KIF21A: variants seen among roughly 807,000 people sequenced by gnomAD.
The protein encoded by KIF21A is kinesin family member 21A, also known as kinesin-like protein KIF21A.
Under a neutral mutation model 202.9 loss-of-function variants are expected in KIF21A, and 114 were observed. The observed-to-expected ratio is 0.56, with a 90% confidence interval of 0.48 to 0.66. KIF21A has a LOEUF of 0.66. Among genes scored for constraint, KIF21A ranks in the 30% least tolerant of loss-of-function variants. The pLI, the probability that KIF21A is intolerant of heterozygous loss-of-function variation, is 0.00. For missense variants in KIF21A, 1,677 were observed against 1,994.9 expected, an observed-to-expected ratio of 0.84 and a Z score of 3.04; for synonymous variants, 667 against 670.8, an observed-to-expected ratio of 0.99 and a Z score of 0.09.
chr12:39,419,973 A>G (rs557034326), intron 1 of KIF21A, among the ~76,000 whole-genome samples: 147 of 150,468 alleles, frequency 9.8e-4, no homozygotes, highest in Admixed American at 7.3e-3. Context: ...GAGAGGTGAG[A>G]GTTCTGGGAA....
Position 39,320,019 on chromosome 12 carries a change from G to C in KIF21A, c.3672-6C>G. On this transcript the variant is annotated splice_region_variant and splice_polypyrimidine_tract_variant and intron_variant, in intron 27 of 37. Coordinates refer to ENST00000361418, the MANE Select transcript of KIF21A (RefSeq NM_001173464.2). ...ATAGAGATGACTGCCTGGAACTAAA[G>C]TAAAAGAAGATTCTTTAATTACCTA... The C allele has an allele frequency of 6.6e-7, 1 of 1,520,806 alleles. No homozygotes were observed. Among genetic ancestry groups the C allele is most frequent in the Non-Finnish European group, 9.1e-7 (1 of 1,099,110 alleles). 94.2% of individuals were successfully genotyped at this position (1,520,806 alleles called of 1,614,324 possible). A position where few individuals can be genotyped will look rare whatever the true frequency, so the allele number is the denominator to read the frequency against.
Position 39,330,764 on chromosome 12 carries a change from G to A in KIF21A, c.3301C>T (p.Leu1101=). The A allele has an allele frequency of 6.2e-7, 1 of 1,613,970 alleles. No homozygotes were observed. Among genetic ancestry groups the A allele is most frequent in the South Asian group, 1.1e-5 (1 of 91,080 alleles). The change falls in exon 23 of 38, where the codon CTA becomes TTA. Residue 1101 remains leucine (L), a synonymous_variant. Transcript: ENST00000361418. The part of the protein sequence containing the change: ...AELNPELDAL[L]GHALQDLDSV... ...AAATTACCTTGTAAAGCATGGCCTA[G>A]TAAAGCATCTAGCTCAGGATTTAAT...
chr12:39,402,254 C>T lies in KIF21A; in HGVS notation c.45-31993G>A, dbSNP rs115903805. Among the ~76,000 whole-genome samples, 284 of 152,222 alleles carry T rather than the reference C, an allele frequency of 1.9e-3. 1 individual carries two copies. Among genetic ancestry groups the T allele is most frequent in the Non-Finnish European group, 3.3e-3 (222 of 68,012 alleles). On this transcript the variant is annotated intron_variant, in intron 1 of 37. Coordinates refer to ENST00000361418, the MANE Select transcript of KIF21A (RefSeq NM_001173464.2). ...CAGAATAGTGAAAATCTTTCTGAGCCACCACCACCACAACTTGGGTAGAAC... is the reference window on the plus strand; with the variant it reads ...CAGAATAGTGAAAATCTTTCTGAGCTACCACCACCACAACTTGGGTAGAAC...
chr12:39,325,620 C>G (rs1433704420), intron 26 of KIF21A, among the ~76,000 whole-genome samples: 1 of 151,032 alleles, frequency 6.6e-6, no homozygotes, highest in Admixed American at 6.6e-5. Context: ...GAATTACAGG[C>G]ATGAGCCACC....
intron 11 of KIF21A, 110 bp downstream of exon 11, chr12:39,351,667 A>C: frequency 1.5e-6 from 1 of 673,498 alleles, no homozygotes; most frequent in Non-Finnish European, 2.5e-6. Context: ...ATAGTGATTT[A>C]TTTCATATAC....
chr12:39,332,001 T>A (rs2138114111), intron 21 of KIF21A: 1 of 659,624 alleles, frequency 1.5e-6, no homozygotes, highest in African/African-American at 1.8e-5. Context: ...GATGTAAAGA[T>A]GACCCATGTG....
intron 22 of KIF21A, 42 bp downstream of exon 22, chr12:39,331,648 G>T (rs1946515346): frequency 1.5e-6 from 2 of 1,315,468 alleles, no homozygotes; most frequent in Non-Finnish European, 2.2e-6. Flanking sequence ...CAATGAATTA[G>T]TCAAAACTTA....
intron 1 of KIF21A, among the ~76,000 whole-genome samples, chr12:39,412,961 C>A (rs1953236795): frequency 6.6e-6 from 1 of 152,150 alleles, no homozygotes; most frequent in Non-Finnish European, 1.5e-5. Context: ...TTTTAAAAAT[C>A]TCATTTAAAA....
At chr12:39,351,611 G>A (rs1003474579) in intron 11 of KIF21A, among the ~76,000 whole-genome samples, 166 bp downstream of exon 11, 2 of 151,878 alleles carry the variant, frequency 1.3e-5, no homozygotes, top group African/African-American at 4.8e-5. Context: ...TTACATATAA[G>A]TAGAGATAAA....
chr12:39,303,967 G>A (rs1229175809), intron 35 of KIF21A, among the ~76,000 whole-genome samples: 1 of 152,002 alleles, frequency 6.6e-6, no homozygotes, highest in East Asian at 1.9e-4. Flanking sequence ...AGAGGCTAAA[G>A]TATACTTACT....
intron 1 of KIF21A, among the ~76,000 whole-genome samples, chr12:39,384,613 C>A (rs990038101): frequency 1.3e-5 from 2 of 152,182 alleles, no homozygotes; most frequent in Admixed American, 6.6e-5. Flanking sequence ...GCAAAGAACT[C>A]TTAATCTCTA....
At chr12:39,391,882 G>A (rs1448936809) in intron 1 of KIF21A, among the ~76,000 whole-genome samples, 2 of 151,994 alleles carry the variant, frequency 1.3e-5, no homozygotes, top group East Asian at 1.9e-4. Flanking sequence ...GGGATTACAG[G>A]CACCTGCCAT....
chr12:39,301,650 G>C lies in KIF21A; in HGVS notation c.4761C>G (p.Val1587=). 3.1e-6 allele frequency: 5 copies of C among 1,614,052 alleles called. No individual in the cohort carries two copies. Among genetic ancestry groups the C allele is most frequent in the Non-Finnish European group, 4.2e-6 (5 of 1,179,976 alleles). Residue 1587 remains valine, a synonymous_variant, in exon 37 of 38, where the codon GTC becomes GTG. Coordinates refer to ENST00000361418, the MANE Select transcript of KIF21A (RefSeq NM_001173464.2). ...GGTCTGGCACCACTCCCAGGGCACA[G>C]ACCCAATCCTTATGTGCATTTGGAA... is the stretch of plus-strand genomic sequence containing the variant. The part of the protein sequence containing the change: ...QQVPNAHKDW[V]CALGVVPDHP...
At chr12:39,333,386 A>G in intron 17 of KIF21A, 106 bp from the exon 18 acceptor site, 1 of 839,792 alleles carries the variant, frequency 1.2e-6, no homozygotes. Context: ...ATGAGTTCTT[A>G]GCAGAATCTT....
In KIF21A at chr12:39,443,018, C is replaced by G. The variant is rs1011699329; in HGVS notation, c.-48G>C. 8 of 1,497,324 alleles carry G rather than the reference C, an allele frequency of 5.3e-6. No homozygotes were observed. In the African/African-American group the frequency reaches 1.0e-4, roughly 19 times the overall value. 92.8% of individuals were successfully genotyped at this position (1,497,324 alleles called of 1,614,324 possible). On this transcript the variant is annotated 5_prime_UTR_variant, in exon 1 of 38. Transcript: ENST00000361418. ...GCCGTTGGGCCTCGGCACCGCAGAGCTGAGGCGCCACTGGGGCCGCGGGAC... is the reference window on the plus strand; with the variant it reads ...GCCGTTGGGCCTCGGCACCGCAGAGGTGAGGCGCCACTGGGGCCGCGGGAC...
intron 1 of KIF21A, among the ~76,000 whole-genome samples, chr12:39,420,074 T>TAAAAAAAAAAAAAAAAAAAAAA (rs72435342): frequency 1.2e-5 from 1 of 83,128 alleles, no homozygotes; most frequent in Non-Finnish European, 2.4e-5. Flanking sequence ...AGACAGAAAG[T>TAAAAAAAAAAAAAAAAAAAAAA]AAAAAAAAAA....
intron 10 of KIF21A, among the ~76,000 whole-genome samples, chr12:39,354,583 G>GT (rs1452137474): frequency 2.0e-5 from 3 of 151,994 alleles, no homozygotes; most frequent in Non-Finnish European, 4.4e-5. Context: ...TTATTAAAAG[G>GT]TAACTACTAT....
At chr12:39,427,767 T>C (rs1954880248) in intron 1 of KIF21A, among the ~76,000 whole-genome samples, 1 of 152,162 alleles carries the variant, frequency 6.6e-6, no homozygotes, top group South Asian at 2.1e-4. Context: ...CAAGCAATTC[T>C]CCTGTCTCAG....
At chr12:39,318,943 T>C (rs1011087314) in intron 28 of KIF21A, among the ~76,000 whole-genome samples, 3 of 149,978 alleles carry the variant, frequency 2.0e-5, no homozygotes, top group African/African-American at 4.9e-5. Context: ...ATAGCGCCAC[T>C]GCACTCCAGC....
Sources: allele counts gnomAD v4.1 joint callset (sites outside exome capture counted in the v4.1 genomes callset), GRCh38; gene constraint gnomAD v4.1.1; transcripts MANE v1.5; gene names NCBI Gene and HGNC (gene_info 2026-07-23, HGNC 2026-07-21).